The following STAT4 variants were observed in gnomAD, a reference collection of about 807,000 sequenced individuals.
The protein encoded by STAT4 is signal transducer and activator of transcription 4.
Under a neutral mutation model 110.5 loss-of-function variants are expected in STAT4, and 42 were observed. The observed-to-expected ratio is 0.38, with a 90% CI of 0.30 to 0.49. The LOEUF (loss-of-function observed/expected upper bound fraction) is 0.49. Ranked by LOEUF, STAT4 falls within the 20% of genes least tolerant of loss-of-function variation. The pLI, the probability that STAT4 is intolerant of heterozygous loss-of-function variation, is 0.95. For synonymous variants in STAT4, 284 were observed against 302.2 expected, an observed-to-expected ratio of 0.94 and a Z score of 0.63; for missense variants, 632 against 887.9, an observed-to-expected ratio of 0.71 and a Z score of 3.66.
Position 191,050,811 on chromosome 2 carries a change from TC to T in STAT4, c.1251+3678del, listed in dbSNP as rs1696500757. Among the ~76,000 whole-genome samples, 1 of 152,158 alleles carries T rather than the reference TC, an allele frequency of 6.6e-6. No homozygotes were observed. The highest frequency in any genetic ancestry group is 2.1e-4 in the South Asian group (1 of 4,830). ...ATGGGTCTTGTGCAACTTCTTCCTTTCACCCAATCCTAAAGCCAGGAGCCCC... is the reference window on the plus strand; with the variant it reads ...ATGGGTCTTGTGCAACTTCTTCCTTTACCCAATCCTAAAGCCAGGAGCCCC... On this transcript the variant is annotated intron_variant, in intron 14 of 23. Coordinates refer to ENST00000392320, the MANE Select transcript of STAT4 (RefSeq NM_003151.4). This position sits in a 1 kb window ranked among gnomAD's most constrained non-coding sequence, Gnocchi z 4.3.
rs529104934 is a variant in STAT4 at position 191,082,037 on chromosome 2, G to T, written c.274-5712C>A. Among the ~76,000 whole-genome samples the T allele has an allele frequency of 2.0e-5, 3 of 152,222 alleles. No homozygotes were observed. Among genetic ancestry groups the T allele is most frequent in the South Asian group, 4.1e-4 (2 of 4,830 alleles). On this transcript the variant is annotated intron_variant, in intron 3 of 23. Coordinates refer to ENST00000392320, the MANE Select transcript of STAT4 (RefSeq NM_003151.4). The surrounding 1 kb of genome is among the most constrained non-coding windows in gnomAD (Gnocchi z 4.7). ...CAATGCATGAATCATTCACTCCAGG[G>T]TCTTATTGTGCTGAGATTTCTTTCA...
At chr2:191,088,246 A>G (rs1344962050) in intron 3 of STAT4, among the ~76,000 whole-genome samples, 1 of 152,176 alleles carries the variant, frequency 6.6e-6, no homozygotes, top group Non-Finnish European at 1.5e-5. Context: ...TTAAGACACA[A>G]AAGTCAATTG....
chr2:191,095,074 C>G (rs1004722527), intron 3 of STAT4, among the ~76,000 whole-genome samples: 1 of 152,100 alleles, frequency 6.6e-6, no homozygotes, highest in Non-Finnish European at 1.5e-5. Flanking sequence ...CATATATGCA[C>G]CCAATATAGG....
At chr2:191,055,701 T>C (rs980898484) in intron 13 of STAT4, among the ~76,000 whole-genome samples, 1 of 152,252 alleles carries the variant, frequency 6.6e-6, no homozygotes, top group East Asian at 1.9e-4. Flanking sequence ...AAAGTTATTA[T>C]GCAGAAGATA....
Position 191,061,219 on chromosome 2 carries a change from G to A in STAT4, c.1034+510C>T, listed in dbSNP as rs556777521. Among the ~76,000 whole-genome samples the A allele has an allele frequency of 6.6e-6, 1 of 152,240 alleles. No individual in the cohort carries two copies. The highest frequency in any genetic ancestry group is 6.5e-5 in the Admixed American group (1 of 15,282). On this transcript the variant is annotated intron_variant, in intron 10 of 23. Coordinates refer to ENST00000392320, the MANE Select transcript of STAT4 (RefSeq NM_003151.4). The surrounding 1 kb of genome is among the most constrained non-coding windows in gnomAD (Gnocchi z 6.2). Reference sequence around the variant, plus strand: ...AACTGTGGTATTGGGAGTTTTTGTGGAAAGTCTAATAAGCCAGTTACTGGG... The same window carrying A: ...AACTGTGGTATTGGGAGTTTTTGTGAAAAGTCTAATAAGCCAGTTACTGGG...
chr2:191,072,993 C>A, intron 5 of STAT4, 105 bp downstream of exon 5: 1 of 756,460 alleles, frequency 1.3e-6, no homozygotes, highest in Non-Finnish European at 2.2e-6. Context: ...TAACAAATTG[C>A]CCTATGATTT....
At chr2:191,087,665 T>C (rs1364192941) in intron 3 of STAT4, among the ~76,000 whole-genome samples, 1 of 152,168 alleles carries the variant, frequency 6.6e-6, no homozygotes, top group African/African-American at 2.4e-5. Context: ...TTCCTTCTCT[T>C]TATTCTGAGT....
In STAT4 at chr2:191,110,102, G is replaced by A. The variant is rs927762374; in HGVS notation, c.274-33777C>T. On this transcript the variant is annotated intron_variant, in intron 3 of 23. Coordinates refer to ENST00000392320, the MANE Select transcript of STAT4 (RefSeq NM_003151.4). This position sits in a 1 kb window ranked among gnomAD's most constrained non-coding sequence, Gnocchi z 4.5. ...CCACAGGGCCCTGCATCAGATGCTGGCCGCACAGCAGCCTCAACCACTTGA... is the reference window on the plus strand; with the variant it reads ...CCACAGGGCCCTGCATCAGATGCTGACCGCACAGCAGCCTCAACCACTTGA... Among the ~76,000 whole-genome samples the A allele has an allele frequency of 6.6e-6, 1 of 152,132 alleles. No individual in the cohort carries two copies. The highest frequency in any genetic ancestry group is 2.4e-5 in the African/African-American group (1 of 41,418).
rs1696248147 is a variant in STAT4 at position 191,042,913 on chromosome 2, G to A, written c.1252-1765C>T. 6.6e-6 allele frequency among the ~76,000 whole-genome samples: 1 copy of A among 152,080 alleles called. No individual in the cohort carries two copies. The highest frequency in any genetic ancestry group is 2.4e-5 in the African/African-American group (1 of 41,398). On this transcript the variant is annotated intron_variant, in intron 14 of 23. Coordinates refer to ENST00000392320, the MANE Select transcript of STAT4 (RefSeq NM_003151.4). The surrounding 1 kb of genome is among the most constrained non-coding windows in gnomAD (Gnocchi z 4.2). ...TCCTGCCTCAGCCTTCTGAGTAGCT[G>A]GGATTACAGGCATGCGCCACCATGC...
At chr2:191,076,134 G>T in intron 4 of STAT4, 93 bp downstream of exon 4, 1 of 1,027,246 alleles carries the variant, frequency 9.7e-7, no homozygotes. Context: ...GATTACAGGT[G>T]TGAGCCACTG....
rs936040455 is a variant in STAT4 at position 191,132,487 on chromosome 2, G to T, written c.273+14126C>A. ...AGCAAAATTTGAAACCTCAGGAATG[G>T]AGAAGTAATGGTGAAAGAAGTGGTG... is the stretch of plus-strand genomic sequence containing the variant. On this transcript the variant is annotated intron_variant, in intron 3 of 23. Transcript: ENST00000392320. Among the ~76,000 whole-genome samples, 32 of 151,774 alleles carry T rather than the reference G, an allele frequency of 2.1e-4. 2 individuals are homozygous for T. The highest frequency in any genetic ancestry group is 7.5e-4 in the African/African-American group (31 of 41,086).
chr2:191,068,779 C>A (rs1697065478), intron 6 of STAT4, among the ~76,000 whole-genome samples: 1 of 152,056 alleles, frequency 6.6e-6, no homozygotes, highest in Admixed American at 6.6e-5. Context: ...AGCACAATTC[C>A]ATCAACTAAA....
chr2:191,046,807 G>A lies in STAT4; in HGVS notation c.1252-5659C>T, dbSNP rs573014258. Among the ~76,000 whole-genome samples the A allele has an allele frequency of 1.8e-4, 27 of 152,064 alleles. No individual in the cohort carries two copies. Among genetic ancestry groups the A allele is most frequent in the Non-Finnish European group, 3.5e-4 (24 of 68,014 alleles). On this transcript the variant is annotated intron_variant, in intron 14 of 23. Coordinates refer to ENST00000392320, the MANE Select transcript of STAT4 (RefSeq NM_003151.4). This position sits in a 1 kb window ranked among gnomAD's most constrained non-coding sequence, Gnocchi z 4.6. ...GGTCTTTGATCCTGGTTCCTGACAC[G>A]GGTTCCTAAGACCTTTGTAATTTCC...
At chr2:191,095,300 C>A (rs1305570536) in intron 3 of STAT4, among the ~76,000 whole-genome samples, 4 of 152,234 alleles carry the variant, frequency 2.6e-5, no homozygotes, top group Admixed American at 1.3e-4. Flanking sequence ...CCCAAACCAA[C>A]AGAATATACA....
At chr2:191,079,235 T>A (rs868059615) in intron 3 of STAT4, among the ~76,000 whole-genome samples, 1 of 151,080 alleles carries the variant, frequency 6.6e-6, no homozygotes, top group Non-Finnish European at 1.5e-5. Context: ...ACTTGTCAAG[T>A]CACGCACACA....
chr2:191,064,372 T>A (rs762437815), intron 8 of STAT4, among the ~76,000 whole-genome samples: 1 of 152,190 alleles, frequency 6.6e-6, no homozygotes, highest in Non-Finnish European at 1.5e-5. Flanking sequence ...CTCTTGAACT[T>A]ATTCCTCCTG....
chr2:191,147,974 A>T lies in STAT4; in HGVS notation c.128+102T>A. On this transcript the variant is annotated intron_variant, in intron 2 of 23. Transcript: ENST00000392320. This position sits in a 1 kb window ranked among gnomAD's most constrained non-coding sequence, Gnocchi z 4.1. The stretch of plus-strand genomic sequence containing the variant: ...TTGAGAAAGTTCTTTACCTGAAAAG[A>T]ATGCATCTACTGAGTAAAAAGTGGA... 1 of 1,476,120 alleles carries T rather than the reference A, an allele frequency of 6.8e-7. No individual in the cohort carries two copies. Among genetic ancestry groups the T allele is most frequent in the South Asian group, 1.3e-5 (1 of 78,740 alleles). The allele number at this position is 1,476,120 out of a possible 1,614,324, so 91.4% of individuals were successfully genotyped here.
intron 1 of STAT4, among the ~76,000 whole-genome samples, chr2:191,149,000 G>A (rs910028684): frequency 2.0e-5 from 3 of 152,226 alleles, no homozygotes; most frequent in Middle Eastern, 3.4e-3. Context: ...AGAAAAGTAC[G>A]CATTTCCCCC....
At chr2:191,034,153 T>C (rs1376900473) in intron 18 of STAT4, 148 bp from the exon 19 acceptor site, 11 of 661,512 alleles carry the variant, frequency 1.7e-5, no homozygotes, top group African/African-American at 1.3e-4. Context: ...CCTGGTGTGG[T>C]GGCTCATGCC....
Sources: allele counts gnomAD v4.1 joint callset (sites outside exome capture counted in the v4.1 genomes callset), GRCh38; gene constraint gnomAD v4.1.1; non-coding constraint Gnocchi (gnomAD v3.1); transcripts MANE v1.5; gene names NCBI Gene and HGNC (gene_info 2026-07-23, HGNC 2026-07-21).